The following DNAH6 variants were observed in gnomAD, a reference collection of about 807,000 sequenced individuals.
DNAH6 encodes axonemal beta dynein heavy chain 6.
A neutral mutation model predicts 491.4 loss-of-function variants in DNAH6; 340 were observed. That is an observed-to-expected ratio of 0.69 (90% confidence interval 0.63 to 0.76). DNAH6 has a LOEUF of 0.76. Ranked by LOEUF, DNAH6 falls within the 30% of genes least tolerant of loss-of-function variation. The pLI is 0.00. For synonymous variants in DNAH6, 1,603 were observed against 1,686.1 expected, an observed-to-expected ratio of 0.95 and a Z score of 1.21; for missense variants, 4,443 against 4,972.2, an observed-to-expected ratio of 0.89 and a Z score of 3.20.
chr2:84,547,391 C>G lies in DNAH6; in HGVS notation c.1054C>G (p.Arg352Gly). The change falls in exon 6 of 77, where the codon CGG becomes GGG. Residue 352 changes from arginine to glycine, a missense_variant. Coordinates refer to ENST00000389394, the MANE Select transcript of DNAH6 (RefSeq NM_001370.2). ...LQEFKAAQVI[R>G]LAEVTERLGE... Reference sequence around the variant, plus strand: ...GGAATTTAAGGCCGCACAAGTCATACGGCTAGCAGAGGTAACAAATTTTGT... The same window carrying G: ...GGAATTTAAGGCCGCACAAGTCATAGGGCTAGCAGAGGTAACAAATTTTGT... The G allele has an allele frequency of 6.4e-7, 1 of 1,551,644 alleles. No homozygotes were observed. The highest frequency in any genetic ancestry group is 8.7e-7 in the Non-Finnish European group (1 of 1,146,928).
At position 84,573,514 on chromosome 2, in the gene DNAH6, CT is replaced by C; in HGVS notation, c.1854del (p.Phe618LeufsTer44). 1 of 1,590,786 alleles carries C rather than the reference CT, an allele frequency of 6.3e-7. No homozygotes were observed. Among genetic ancestry groups the C allele is most frequent in the South Asian group, 1.2e-5 (1 of 86,020 alleles). On this transcript the variant is annotated frameshift_variant, in exon 12 of 77. Transcript: ENST00000389394. LOFTEE classifies it high-confidence loss of function. ...FESARIYAAT[F>X]EKFQIFFKEN... ...AATCAGCCCGCATCTATGCAGCTAC[CT>C]TTGAAAAGTTCCAGATATTCTTCAA...
intron 75 of DNAH6, among the ~76,000 whole-genome samples, chr2:84,814,630 G>A (rs551976889): frequency 8.5e-5 from 13 of 152,114 alleles, no homozygotes; most frequent in Non-Finnish European, 1.6e-4. Flanking sequence ...GGAGCTTTCC[G>A]GGACCAGCCT....
At chr2:84,547,221 A>G in intron 5 of DNAH6, 47 bp from the exon 6 acceptor site, 1 of 1,438,732 alleles carries the variant, frequency 7.0e-7, no homozygotes, top group Non-Finnish European at 9.4e-7. Flanking sequence ...TATACTTTTA[A>G]AATACAGAAT....
At chr2:84,713,586 T>C (rs542151646) in intron 57 of DNAH6, among the ~76,000 whole-genome samples, 3 of 152,312 alleles carry the variant, frequency 2.0e-5, no homozygotes, top group African/African-American at 7.2e-5. Flanking sequence ...CTCCTAAACA[T>C]AGGGCATCCC....
the DNAH6 span, among the ~76,000 whole-genome samples, chr2:84,484,607 G>A: frequency 2.0e-5 from 3 of 152,138 alleles, no homozygotes; most frequent in Non-Finnish European, 4.4e-5. Flanking sequence ...GGCCAGTAAT[G>A]CTGCATCACT....
At chr2:84,622,616 T>C (rs1226139963) in intron 26 of DNAH6, among the ~76,000 whole-genome samples, 4 of 152,184 alleles carry the variant, frequency 2.6e-5, no homozygotes, top group African/African-American at 9.7e-5. Context: ...TTGGCTATTG[T>C]GAATAATGCT....
chr2:84,661,862 G>A (rs1485450290), intron 37 of DNAH6, among the ~76,000 whole-genome samples: 3 of 152,072 alleles, frequency 2.0e-5, no homozygotes, highest in Non-Finnish European at 2.9e-5. Context: ...CACATTTGGA[G>A]GACTTAACTA....
At chr2:84,816,905 A>C (rs1680540184) in intron 76 of DNAH6, among the ~76,000 whole-genome samples, 1 of 152,210 alleles carries the variant, frequency 6.6e-6, no homozygotes, top group South Asian at 2.1e-4. Flanking sequence ...CGCCTTGAAT[A>C]CAGCACAGTG....
At chr2:84,508,504 T>A in the DNAH6 span, among the ~76,000 whole-genome samples, 2 of 152,186 alleles carry the variant, frequency 1.3e-5, no homozygotes, top group African/African-American at 4.8e-5. Flanking sequence ...TTTGTTGATC[T>A]TTTCAAAAAA....
At chr2:84,747,726 A>G (rs1673101668) in intron 63 of DNAH6, among the ~76,000 whole-genome samples, 1 of 152,138 alleles carries the variant, frequency 6.6e-6, no homozygotes, top group Non-Finnish European at 1.5e-5. Context: ...GGGTCTCTCT[A>G]TGGGGATCCC....
At position 84,681,522 on chromosome 2, in the gene DNAH6, G is replaced by T. The variant is rs746825341; in HGVS notation, c.6910G>T (p.Val2304Leu). Residue 2304 changes from valine (V) to leucine (L), a missense_variant, in exon 42 of 77, where the codon GTG becomes TTG. Val to Leu is a conservative substitution (Grantham distance 32). This residue lies in a region of DNAH6 where 2,977 missense variants were observed against 3,296.6 expected (regional missense o/e 0.90). Transcript: ENST00000389394. ...TAACTTGAGGGACTTATCCAAATGTGTGCAAGGTAGTGTACTGAACCCTCG... is the reference window on the plus strand; with the variant it reads ...TAACTTGAGGGACTTATCCAAATGTTTGCAAGGTAGTGTACTGAACCCTCG... ...VFNLRDLSKC[V>L]QGILQCDPGT... 7.1e-6 allele frequency: 11 copies of T among 1,543,170 alleles called. No individual in the cohort carries two copies. The highest frequency in any genetic ancestry group is 3.3e-4 in the Middle Eastern group (2 of 5,972).
intron 18 of DNAH6, among the ~76,000 whole-genome samples, chr2:84,603,842 G>T (rs1445444238): frequency 1.3e-5 from 2 of 152,150 alleles, no homozygotes; most frequent in Non-Finnish European, 2.9e-5. Context: ...AGATAAATTT[G>T]TTGGAGCTAC....
At chr2:84,625,094 A>T in intron 29 of DNAH6, 31 bp downstream of exon 29, 1 of 1,468,192 alleles carries the variant, frequency 6.8e-7, no homozygotes, top group Non-Finnish European at 9.0e-7. Flanking sequence ...TATTAACATT[A>T]AGTGTTTTAT....
At chr2:84,624,857 C>G (rs1020131584) in intron 28 of DNAH6, 45 bp from the exon 29 acceptor site, 9 of 1,483,846 alleles carry the variant, frequency 6.1e-6, no homozygotes, top group Non-Finnish European at 8.1e-6. Context: ...TAATTTGTGG[C>G]CAGAGTTGGT....
rs933977600 is a variant in DNAH6, at chr2:84,744,826, C to G, written c.10343-254C>G. ...ATTTGCTTAAGTATCTCTATGCATC[C>G]TTTTATTTTTAACCTTCCTAATATT... On this transcript the variant is annotated intron_variant, in intron 62 of 76. Transcript: ENST00000389394. Among the ~76,000 whole-genome samples the G allele has an allele frequency of 2.6e-5, 4 of 152,102 alleles. No homozygotes were observed. In the East Asian group the frequency reaches 7.7e-4, roughly 29 times the overall value.
chr2:84,596,301 A>C (rs953188786), intron 18 of DNAH6, among the ~76,000 whole-genome samples: 3 of 151,416 alleles, frequency 2.0e-5, no homozygotes, highest in African/African-American at 7.4e-5. Context: ...AGTTTTTTAA[A>C]CAGTTTTAGG....
upstream of DNAH6, among the ~76,000 whole-genome samples, chr2:84,511,550 G>T (rs1032599200): frequency 1.3e-5 from 2 of 152,152 alleles, no homozygotes; most frequent in Admixed American, 6.5e-5. Flanking sequence ...CCCTGCTTCG[G>T]CTCACTCTCG....
chr2:84,621,649 A>G lies in DNAH6; in HGVS notation c.4071+98A>G, dbSNP rs1005789960. 1.1e-5 allele frequency: 7 copies of G among 639,796 alleles called. No individual in the cohort carries two copies. In the African/African-American group the frequency reaches 1.3e-4, roughly 12 times the overall value. The allele number at this position is 639,796 out of a possible 1,614,324, so 39.6% of individuals were successfully genotyped here. A position where few individuals can be genotyped will look rare whatever the true frequency, so the allele number is the denominator to read the frequency against. On this transcript the variant is annotated intron_variant, in intron 26 of 76. Transcript: ENST00000389394. ...AATGCAAATTCACTTTATTTCAGAAATTCTAATGCTCTGACATTTGTAATA... is the reference window on the plus strand; with the variant it reads ...AATGCAAATTCACTTTATTTCAGAAGTTCTAATGCTCTGACATTTGTAATA...
chr2:84,500,281 AAG>A, the DNAH6 span, among the ~76,000 whole-genome samples: 1 of 152,130 alleles, frequency 6.6e-6, no homozygotes, highest in Non-Finnish European at 1.5e-5. Flanking sequence ...TCATTTATTG[AAG>A]AGATTGTCTT....
Sources: gnomAD v4.1 joint callset for allele counts (sites outside exome capture counted in the v4.1 genomes callset) on GRCh38, gnomAD v4.1.1 for gene constraint, gnomAD v4.1.1 regional missense constraint, MANE v1.5 for transcripts, NCBI Gene and HGNC (gene_info 2026-07-23, HGNC 2026-07-21) for gene names.